SYNRG: variants seen among roughly 807,000 people sequenced by gnomAD.
SYNRG encodes the protein synergin gamma, also known as AP1 gamma subunit binding protein 1.
Under a neutral mutation model 130.9 loss-of-function variants are expected in SYNRG, and 37 were observed. That is an observed-to-expected ratio of 0.28 (90% CI 0.22 to 0.37). The LOEUF (loss-of-function observed/expected upper bound fraction) is 0.37, where lower values mean the gene tolerates loss of function less well. SYNRG is among the 10% of genes least tolerant of loss of function. SYNRG has a pLI of 1.00. For missense variants in SYNRG, 1,338 were observed against 1,588.9 expected (o/e 0.84, Z 2.68); for synonymous variants, 539 against 568.1 (o/e 0.95, Z 0.73).
intron 13 of SYNRG, among the ~76,000 whole-genome samples, chr17:37,556,365 C>G (rs1445719976): frequency 6.6e-6 from 1 of 151,840 alleles, no homozygotes; most frequent in Admixed American, 6.6e-5. Context: ...GCAGGAGAAT[C>G]GCTTGAACCC....
At chr17:37,561,166 T>C (rs1202720452) in intron 13 of SYNRG, 29 bp downstream of exon 13, 2 of 1,583,142 alleles carry the variant, frequency 1.3e-6, no homozygotes, top group Middle Eastern at 1.7e-4. Context: ...ATGGAAATAA[T>C]TTATCCTTTT....
intron 19 of SYNRG, among the ~76,000 whole-genome samples, chr17:37,530,100 T>G (rs2056462546): frequency 6.6e-6 from 1 of 152,146 alleles, no homozygotes; most frequent in Admixed American, 6.5e-5. Context: ...TCATTAACCT[T>G]GATGCCAAAA....
chr17:37,595,765 T>G (rs1016391932), intron 3 of SYNRG, among the ~76,000 whole-genome samples: 3 of 151,868 alleles, frequency 2.0e-5, no homozygotes, highest in African/African-American at 4.8e-5. Flanking sequence ...CCTTTTTTTT[T>G]TTTTTTGAGA....
chr17:37,539,069 T>C, intron 17 of SYNRG, 123 bp downstream of exon 17: 2 of 1,498,912 alleles, frequency 1.3e-6, no homozygotes, highest in Non-Finnish European at 1.8e-6. Context: ...AGTTACTCTT[T>C]GCCCAGGGAC....
At chr17:37,605,494 A>T (rs1488990868) in intron 1 of SYNRG, among the ~76,000 whole-genome samples, 1 of 152,232 alleles carries the variant, frequency 6.6e-6, no homozygotes, top group Non-Finnish European at 1.5e-5. Flanking sequence ...AATCACATAG[A>T]CATGAATACA....
intron 3 of SYNRG, among the ~76,000 whole-genome samples, chr17:37,594,989 C>T (rs1044882129): frequency 1.3e-5 from 2 of 152,158 alleles, no homozygotes; most frequent in African/African-American, 4.8e-5. Context: ...ATAAAGAAAA[C>T]ATGGAGCAGA....
In SYNRG at chr17:37,518,981, C is replaced by T. The variant is rs763045470; in HGVS notation, c.3904G>A (p.Glu1302Lys). The change falls in exon 22 of 22, where the codon GAA (glutamate) becomes AAA (lysine). Residue 1302 changes from glutamate (E) to lysine (K), a missense_variant. Physicochemically the swap from Glu to Lys is moderately conservative, Grantham distance 56. Coordinates refer to ENST00000612223, the MANE Select transcript of SYNRG (RefSeq NM_007247.6). ...AGGACGAGGCCAGGAGGCTTTGGTT[C>T]GACACAGTTGATCCAGAAGTTGGCA... is the stretch of plus-strand genomic sequence containing the variant. Reference protein sequence around the residue: ...SCANFWINCVEPKPPGLVLPD... With the variant: ...SCANFWINCVKPKPPGLVLPD... The T allele has an allele frequency of 6.2e-7, 1 of 1,614,130 alleles. No homozygotes were observed. Among genetic ancestry groups the T allele is most frequent in the Non-Finnish European group, 8.5e-7 (1 of 1,180,028 alleles).
intron 18 of SYNRG, among the ~76,000 whole-genome samples, chr17:37,538,015 G>T (rs77681903): frequency 0.012 from 1,767 of 152,344 alleles, 26 homozygotes; most frequent in African/African-American, 0.039. Context: ...GTAAGGAATT[G>T]ATGGGAGACA....
chr17:37,588,144 G>A (rs181370567), intron 3 of SYNRG, among the ~76,000 whole-genome samples: 191 of 151,886 alleles, frequency 1.3e-3, no homozygotes, highest in Middle Eastern at 6.8e-3. Context: ...TCCTTAACAT[G>A]GTCTCCTGGG....
At chr17:37,522,637 CTTTTTTT>C (rs36077729) in intron 19 of SYNRG, among the ~76,000 whole-genome samples, 1 of 97,776 alleles carries the variant, frequency 1.0e-5, no homozygotes, top group African/African-American at 4.4e-5. Context: ...CCAGCTAACA[CTTTTTTT>C]TTTTTTTTTT....
intron 3 of SYNRG, among the ~76,000 whole-genome samples, chr17:37,595,518 T>C (rs2062685770): frequency 1.3e-5 from 2 of 151,690 alleles, no homozygotes; most frequent in South Asian, 2.1e-4. Flanking sequence ...GGGGGAAGGG[T>C]TGAAAAACTA....
In SYNRG at chr17:37,584,753, C is replaced by T. The variant is rs2061571832; in HGVS notation, c.484G>A (p.Glu162Lys). ...LLSSVKPKTGEKSRDDALEAI... is the reference protein window; with the variant it reads ...LLSSVKPKTGKKSRDDALEAI... ...TCCAAAGCATCATCTCTACTCTTCT[C>T]TCCTGTCTAAGAGACAACAAATATA... Residue 162 changes from glutamate (E) to lysine (K), a missense_variant, in exon 6 of 22, where the codon GAG becomes AAG. This residue lies in a region of SYNRG where 184 missense variants were observed against 217.2 expected (regional missense o/e 0.85). Transcript: ENST00000612223. 3 of 1,611,358 alleles carry T rather than the reference C, an allele frequency of 1.9e-6. No individual in the cohort carries two copies. The Admixed American group carries it at 5.0e-5, about 27-fold the overall frequency.
In SYNRG at chr17:37,584,663, G is replaced by A. The variant is rs1273180800; in HGVS notation, c.574C>T (p.His192Tyr). The A allele has an allele frequency of 2.5e-6, 4 of 1,613,266 alleles. No individual in the cohort carries two copies. Among genetic ancestry groups the A allele is most frequent in the Non-Finnish European group, 2.5e-6 (3 of 1,179,438 alleles). ...DAKMHPTPASHPKKPGPSLEE... is the reference protein window; with the variant it reads ...DAKMHPTPASYPKKPGPSLEE... ...TTAAAACTACCTGGTTTCTTGGGGTGCGATGCTGGAGTAGGGTGCATTTTT... is the reference window on the plus strand; with the variant it reads ...TTAAAACTACCTGGTTTCTTGGGGTACGATGCTGGAGTAGGGTGCATTTTT... Residue 192 changes from histidine (H) to tyrosine (Y), a missense_variant, in exon 6 of 22, where the codon CAC becomes TAC. Transcript: ENST00000612223.
intron 11 of SYNRG, among the ~76,000 whole-genome samples, chr17:37,562,116 A>G (rs192764465): frequency 3.5e-4 from 54 of 152,336 alleles, no homozygotes; most frequent in Admixed American, 1.4e-3. Flanking sequence ...CAAAATGTAA[A>G]TTGTTTTTCT....
intron 19 of SYNRG, among the ~76,000 whole-genome samples, chr17:37,528,615 A>C (rs1009878248): frequency 6.6e-6 from 1 of 152,216 alleles, no homozygotes; most frequent in African/African-American, 2.4e-5. Flanking sequence ...CTTTCTAATA[A>C]TGATTTCTCC....
chr17:37,570,632 T>C lies in SYNRG; in HGVS notation c.1347+5A>G. ...ATCTGAAATATGCACAGCTTCGCCA[T>C]TTACCTGATTTGCAGGGTAGGTTGG... On this transcript the variant is annotated splice_donor_5th_base_variant and intron_variant, in intron 10 of 21. Transcript: ENST00000612223. 6.2e-7 allele frequency: 1 copy of C among 1,608,166 alleles called. No individual in the cohort carries two copies. Among genetic ancestry groups the C allele is most frequent in the Non-Finnish European group, 8.5e-7 (1 of 1,177,242 alleles).
chr17:37,555,058 T>C (rs1315867267), intron 13 of SYNRG, among the ~76,000 whole-genome samples: 1 of 152,124 alleles, frequency 6.6e-6, no homozygotes, highest in Non-Finnish European at 1.5e-5. Flanking sequence ...TTAAATAGAG[T>C]GGGTACTTAT....
chr17:37,584,885 G>T, intron 5 of SYNRG, 126 bp from the exon 6 acceptor site: 1 of 684,542 alleles, frequency 1.5e-6, no homozygotes, highest in Non-Finnish European at 2.4e-6. Context: ...TTCTGATAAT[G>T]AATTATCCAA....
chr17:37,582,487 A>C (rs963806701), intron 6 of SYNRG, among the ~76,000 whole-genome samples: 15 of 152,196 alleles, frequency 9.9e-5, no homozygotes, highest in African/African-American at 3.4e-4. Context: ...ATTTGGCTGG[A>C]ATGTGTGACT....
Sources: gnomAD v4.1 joint callset for allele counts (sites outside exome capture counted in the v4.1 genomes callset) on GRCh38, gnomAD v4.1.1 for gene constraint, gnomAD v4.1.1 regional missense constraint, MANE v1.5 for transcripts, NCBI Gene and HGNC (gene_info 2026-07-23, HGNC 2026-07-21) for gene names.